The following MCC variants were observed in gnomAD, a reference collection of about 807,000 sequenced individuals.
The protein encoded by MCC is MCC regulator of Wnt signaling pathway, also known as colorectal mutant cancer protein.
In MCC, 90 loss-of-function variants were observed where a neutral mutation model predicts 116.2. That is an observed-to-expected ratio of 0.77 (90% CI 0.65 to 0.92). MCC has a LOEUF of 0.92. Ranked by LOEUF, MCC falls within the 40% of genes least tolerant of loss-of-function variation. The pLI, the probability that MCC is intolerant of heterozygous loss-of-function variation, is 0.00. For synonymous variants in MCC, 578 were observed against 510.5 expected (o/e 1.13, Z -1.78); for missense variants, 1,516 against 1,312.2 (o/e 1.16, Z -2.40).
chr5:113,200,249 T>G (rs1202220826), intron 3 of MCC, among the ~76,000 whole-genome samples: 1 of 152,202 alleles, frequency 6.6e-6, no homozygotes, highest in Non-Finnish European at 1.5e-5. Flanking sequence ...TATAAATGCA[T>G]GGTCTGTGAG....
intron 3 of MCC, among the ~76,000 whole-genome samples, chr5:113,172,655 C>A (rs958981765): frequency 1.3e-5 from 2 of 152,172 alleles, no homozygotes; most frequent in African/African-American, 4.8e-5. Context: ...GCTGGGCGTA[C>A]CATAACTTAG....
At chr5:113,349,330 T>A (rs1020123406) in intron 2 of MCC, among the ~76,000 whole-genome samples, 1 of 151,986 alleles carries the variant, frequency 6.6e-6, no homozygotes, top group Non-Finnish European at 1.5e-5. Flanking sequence ...CAACAACACA[T>A]GATAAACTTC....
intron 3 of MCC, among the ~76,000 whole-genome samples, chr5:113,322,121 C>G (rs188940810): frequency 6.6e-6 from 1 of 152,128 alleles, no homozygotes; most frequent in African/African-American, 2.4e-5. Context: ...CATGAGCCAC[C>G]GCACCTGGCC....
In MCC at chr5:113,257,090, C is replaced by T. The variant is rs1322020066; in HGVS notation, c.627+83429G>A. Among the ~76,000 whole-genome samples the T allele has an allele frequency of 2.0e-5, 3 of 152,272 alleles. No homozygotes were observed. The South Asian group carries it at 6.2e-4, about 32-fold the overall frequency. ...TCTCCTTTTGTGTTTTCCCCTCTAACTTATCAGTGAAGATTAGCAGAAGTT... is the reference window on the plus strand; with the variant it reads ...TCTCCTTTTGTGTTTTCCCCTCTAATTTATCAGTGAAGATTAGCAGAAGTT... On this transcript the variant is annotated intron_variant, in intron 3 of 18. Coordinates refer to ENST00000408903, the MANE Select transcript of MCC (RefSeq NM_001085377.2).
intron 3 of MCC, among the ~76,000 whole-genome samples, chr5:113,180,953 T>A (rs1761598458): frequency 6.6e-6 from 1 of 152,204 alleles, no homozygotes. Flanking sequence ...TACAGTTTAA[T>A]CTAAAATCAT....
chr5:113,091,510 G>A (rs1397064771), intron 8 of MCC, among the ~76,000 whole-genome samples: 3 of 152,114 alleles, frequency 2.0e-5, no homozygotes, highest in Non-Finnish European at 2.9e-5. Context: ...GGTACACTGA[G>A]GAACCTTAAA....
intron 3 of MCC, among the ~76,000 whole-genome samples, chr5:113,193,841 C>T (rs779076104): frequency 6.6e-6 from 1 of 152,036 alleles, no homozygotes; most frequent in Non-Finnish European, 1.5e-5. Flanking sequence ...TACATATACA[C>T]CTAGGAATTC....
intron 3 of MCC, among the ~76,000 whole-genome samples, chr5:113,211,741 C>A (rs1041847731): frequency 6.6e-6 from 1 of 152,160 alleles, no homozygotes; most frequent in Non-Finnish European, 1.5e-5. Flanking sequence ...ATCTCAACTA[C>A]TGGAGGTTAT....
intron 1 of MCC, chr5:113,433,207 A>G: frequency 1.1e-5 from 2 of 175,658 alleles, no homozygotes; most frequent in Non-Finnish European, 2.4e-5. Context: ...AGTGCCCGCG[A>G]GCCCGTGGCC....
intron 15 of MCC, 82 bp from the exon 16 acceptor site, chr5:113,049,381 G>T: frequency 8.0e-7 from 1 of 1,252,530 alleles, no homozygotes; most frequent in South Asian, 1.5e-5. Flanking sequence ...GTGGGTGGGG[G>T]GTCCCCGGCT....
At chr5:113,080,749 C>A (rs368073349) in intron 11 of MCC, among the ~76,000 whole-genome samples, 1 of 150,442 alleles carries the variant, frequency 6.6e-6, no homozygotes, top group South Asian at 2.1e-4. Flanking sequence ...ACATGTATAC[C>A]TATGTAAAAA....
chr5:113,178,867 C>T (rs988263005), intron 3 of MCC, among the ~76,000 whole-genome samples: 2 of 152,108 alleles, frequency 1.3e-5, no homozygotes, highest in Non-Finnish European at 2.9e-5. Flanking sequence ...GAGCTGTGGT[C>T]TCTTGTGATT....
intron 1 of MCC, among the ~76,000 whole-genome samples, chr5:113,388,521 G>A (rs1769327370): frequency 6.6e-6 from 1 of 152,104 alleles, no homozygotes; most frequent in South Asian, 2.1e-4. Flanking sequence ...TGATGAGTGA[G>A]TTCTCTCCCT....
intron 11 of MCC, among the ~76,000 whole-genome samples, chr5:113,071,594 A>T (rs1253766603): frequency 6.6e-6 from 1 of 152,178 alleles, no homozygotes. Context: ...GGCTTAGATA[A>T]GTCACCCTCC....
At chr5:113,425,393 CA>C (rs1412240038) in intron 1 of MCC, among the ~76,000 whole-genome samples, 1 of 148,804 alleles carries the variant, frequency 6.7e-6, no homozygotes, top group African/African-American at 2.6e-5. Flanking sequence ...GGGACACCAC[CA>C]AAAGGAGGAT....
intron 1 of MCC, among the ~76,000 whole-genome samples, chr5:113,396,703 A>G (rs1769534499): frequency 6.6e-6 from 1 of 152,194 alleles, no homozygotes; most frequent in Non-Finnish European, 1.5e-5. Flanking sequence ...GTAGGAAAAC[A>G]AAAGGATTCC....
At chr5:113,331,426 G>C (rs138070642) in intron 3 of MCC, among the ~76,000 whole-genome samples, 1,585 of 151,666 alleles carry the variant, frequency 0.01, 24 homozygotes, top group Non-Finnish European at 0.014. Context: ...GTATAGTAGT[G>C]TTAGTAGCGG....
intron 3 of MCC, among the ~76,000 whole-genome samples, chr5:113,256,756 G>A (rs1765021029): frequency 6.6e-6 from 1 of 152,182 alleles, no homozygotes; most frequent in African/African-American, 2.4e-5. Context: ...CTGCCAACCT[G>A]ATACAGATAC....
chr5:113,385,105 A>G lies in MCC; in HGVS notation c.278T>C (p.Phe93Ser). Reference sequence around the variant, plus strand: ...AACAAGCTGCATGCGGCATCTTGTGAAATCCTGAAAGGAAATCTTCCCATT... The same window carrying G: ...AACAAGCTGCATGCGGCATCTTGTGGAATCCTGAAAGGAAATCTTCCCATT... ...DENGKISFQD[F>S]TRCRMQLVRE... is the part of the protein sequence containing the mutation. The change falls in exon 2 of 19, where the codon TTC (phenylalanine) becomes TCC (serine). Residue 93 changes from phenylalanine to serine, a missense_variant. Physicochemically the swap from Phe to Ser is radical, Grantham distance 155. Coordinates refer to ENST00000408903, the MANE Select transcript of MCC (RefSeq NM_001085377.2). 6.2e-7 allele frequency: 1 copy of G among 1,614,232 alleles called. No individual in the cohort carries two copies. The highest frequency in any genetic ancestry group is 2.2e-5 in the East Asian group (1 of 44,888).
Sources: allele counts gnomAD v4.1 joint callset (sites outside exome capture counted in the v4.1 genomes callset), GRCh38; gene constraint gnomAD v4.1.1; transcripts MANE v1.5; gene names NCBI Gene and HGNC (gene_info 2026-07-23, HGNC 2026-07-21).